FAM177B: variants seen among roughly 807,000 people sequenced by gnomAD.
The protein encoded by FAM177B is family with sequence similarity 177 member B.
Under a neutral mutation model 16.1 loss-of-function variants are expected in FAM177B, and 16 were observed. The observed-to-expected ratio is 0.99, with a 90% CI of 0.67 to 1.51. The LOEUF (loss-of-function observed/expected upper bound fraction) is 1.51. Among genes scored for constraint, FAM177B ranks in the 40% most tolerant of loss-of-function variants. The probability of loss-of-function intolerance (pLI) is 0.00; values close to 1 mark genes in which losing one functional copy is unlikely to be tolerated. For missense variants in FAM177B, 178 were observed against 183.7 expected (o/e 0.97, Z 0.18); for synonymous variants, 56 against 59.9 (o/e 0.93, Z 0.30).
rs781063729 is a variant in FAM177B at position 222,746,596 on chromosome 1, C to G, written c.51C>G (p.Ser17=). The change falls in exon 3 of 6, where the codon TCC becomes TCG. Residue 17 remains serine (S), a synonymous_variant. Coordinates refer to ENST00000445590, the MANE Select transcript of FAM177B (RefSeq NM_001394345.1). ...TAGACCTAGAGAAGAGTGTACCTTCCAAAAAGACTACTCCTAAAAGGATTA... is the reference window on the plus strand; with the variant it reads ...TAGACCTAGAGAAGAGTGTACCTTCGAAAAAGACTACTCCTAAAAGGATTA... ...QQLDLEKSVP[S]KKTTPKRIIH... The G allele has an allele frequency of 1.2e-6, 2 of 1,611,160 alleles. No homozygotes were observed. Among genetic ancestry groups the G allele is most frequent in the South Asian group, 2.2e-5 (2 of 90,960 alleles).
chr1:222,750,055 G>C lies in FAM177B; in HGVS notation c.474G>C (p.Gln158His). 6.2e-7 allele frequency: 1 copy of C among 1,612,368 alleles called. No individual in the cohort carries two copies. The highest frequency in any genetic ancestry group is 8.5e-7 in the Non-Finnish European group (1 of 1,179,510). ...IQQDVTEAIPQ is the reference protein window; with the variant it reads ...IQQDVTEAIPH ...AGGATGTGACAGAGGCCATTCCTCA[G>C]TGAAGCACCTCATCCAGGGAGGGTC... Residue 158 changes from glutamine to histidine, a missense_variant, in exon 6 of 6, where the codon CAG becomes CAC. Transcript: ENST00000445590.
chr1:222,744,520 A>G (rs955058157), intron 2 of FAM177B, among the ~76,000 whole-genome samples: 2 of 152,054 alleles, frequency 1.3e-5, no homozygotes, highest in Non-Finnish European at 2.9e-5. Context: ...TATCCTTACA[A>G]CATTGGAATA....
Position 222,747,045 on chromosome 1 carries a change from T to C in FAM177B, c.205T>C (p.Phe69Leu). The C allele has an allele frequency of 3.7e-6, 6 of 1,612,288 alleles. No homozygotes were observed. The highest frequency in any genetic ancestry group is 4.2e-6 in the Non-Finnish European group (5 of 1,178,384). ...ACTTTCCTGGGGGCCCTACCTACGA[T>C]TTTGGGCAGGACGAATAGCAAGCAC... ...SKLSWGPYLR[F>L]WAGRIASTSF... The change falls in exon 4 of 6, where the codon TTT becomes CTT. Residue 69 changes from phenylalanine to leucine, a missense_variant. Phe to Leu is a conservative substitution (Grantham distance 22). Transcript: ENST00000445590.
chr1:222,745,767 C>A (rs1658766060), intron 2 of FAM177B, among the ~76,000 whole-genome samples: 1 of 152,084 alleles, frequency 6.6e-6, no homozygotes, highest in African/African-American at 2.4e-5. Context: ...ACTAAAAATA[C>A]AAAAAATTAT....
intron 2 of FAM177B, among the ~76,000 whole-genome samples, chr1:222,746,004 A>G (rs1174162397): frequency 6.6e-6 from 1 of 152,244 alleles, no homozygotes; most frequent in Admixed American, 6.5e-5. Context: ...ATGACTAATG[A>G]CATTCGTCAT....
intron 2 of FAM177B, among the ~76,000 whole-genome samples, chr1:222,743,561 C>T (rs1435664141): frequency 4.6e-5 from 7 of 152,148 alleles, no homozygotes; most frequent in Non-Finnish European, 1.0e-4. Flanking sequence ...GATTACACTG[C>T]CTTTATTTCA....
intron 4 of FAM177B, among the ~76,000 whole-genome samples, chr1:222,747,982 G>A (rs1014343909): frequency 2.0e-5 from 3 of 152,240 alleles, no homozygotes; most frequent in African/African-American, 7.2e-5. Context: ...ATGCTGACAT[G>A]TGGGGGAGAC....
chr1:222,739,109 T>C (rs1232670927), intron 2 of FAM177B, among the ~76,000 whole-genome samples: 3 of 152,198 alleles, frequency 2.0e-5, no homozygotes, highest in African/African-American at 4.8e-5. Flanking sequence ...GTACAGGGGA[T>C]GAGGGTGTGC....
In FAM177B at chr1:222,749,563, G is replaced by A; in HGVS notation, c.339+1G>A. ...CGAGTTCTATAGGATACAAAACAAG[G>A]TATGTGACACTCTGATGGAAACAAG... On this transcript the variant is annotated splice_donor_variant, in intron 5 of 5. Transcript: ENST00000445590. LOFTEE classifies it high-confidence loss of function. 1 of 1,549,360 alleles carries A rather than the reference G, an allele frequency of 6.5e-7. No individual in the cohort carries two copies. The highest frequency in any genetic ancestry group is 8.9e-7 in the Non-Finnish European group (1 of 1,125,590).
chr1:222,747,865 A>G (rs1463437038), intron 4 of FAM177B, among the ~76,000 whole-genome samples: 1 of 152,226 alleles, frequency 6.6e-6, no homozygotes, highest in African/African-American at 2.4e-5. Flanking sequence ...AAGGGACTCA[A>G]TATTCAGTGA....
At chr1:222,745,028 A>G (rs780032216) in intron 2 of FAM177B, among the ~76,000 whole-genome samples, 2 of 152,234 alleles carry the variant, frequency 1.3e-5, no homozygotes, top group Non-Finnish European at 2.9e-5. Flanking sequence ...CATAAATGGA[A>G]TTATATACGA....
chr1:222,742,354 T>C (rs1207118314), intron 2 of FAM177B, among the ~76,000 whole-genome samples: 1 of 152,202 alleles, frequency 6.6e-6, no homozygotes, highest in African/African-American at 2.4e-5. Context: ...AGATTTGAAT[T>C]TCTATTGACC....
chr1:222,746,361 T>C (rs942793102), intron 2 of FAM177B, among the ~76,000 whole-genome samples, 170 bp from the exon 3 acceptor site: 11 of 152,370 alleles, frequency 7.2e-5, no homozygotes, highest in African/African-American at 2.4e-4. Flanking sequence ...TTATCAAATC[T>C]CTTCCATTTT....
At chr1:222,748,088 T>C (rs1407896522) in intron 4 of FAM177B, among the ~76,000 whole-genome samples, 4 of 152,056 alleles carry the variant, frequency 2.6e-5, no homozygotes, top group Admixed American at 1.3e-4. Flanking sequence ...AAAGTAAAGA[T>C]GGGGTGATTT....
At chr1:222,739,562 C>T (rs1658434431) in intron 2 of FAM177B, 1 of 152,126 alleles carries the variant, frequency 6.6e-6, no homozygotes, top group South Asian at 2.1e-4. Context: ...CCAGATGATT[C>T]TCATAACAAA....
At chr1:222,746,818 C>T (rs920017946) in intron 3 of FAM177B, 99 bp downstream of exon 3, 46 of 1,133,098 alleles carry the variant, frequency 4.1e-5, no homozygotes, top group Middle Eastern at 2.1e-4. Context: ...TAGCTTTAAG[C>T]TAAGTCCTTG....
intron 2 of FAM177B, among the ~76,000 whole-genome samples, chr1:222,740,645 A>G (rs2125058284): frequency 6.6e-6 from 1 of 152,272 alleles, no homozygotes; most frequent in East Asian, 1.9e-4. Context: ...ATTATCTAAT[A>G]CTTAATACTG....
rs372617270 is a variant in FAM177B at position 222,747,004 on chromosome 1, C to A, written c.175-11C>A. On this transcript the variant is annotated splice_polypyrimidine_tract_variant and intron_variant, in intron 3 of 5. Coordinates refer to ENST00000445590, the MANE Select transcript of FAM177B (RefSeq NM_001394345.1). The stretch of plus-strand genomic sequence containing the variant: ...TATTAACTACTCTATCTCAATTTCT[C>A]CTTTTTTCAGTCTAAACTTTCCTGG... 114 of 1,589,138 alleles carry A rather than the reference C, an allele frequency of 7.2e-5. No homozygotes were observed. The highest frequency in any genetic ancestry group is 9.6e-5 in the Non-Finnish European group (111 of 1,157,458).
At chr1:222,747,271 A>G in intron 4 of FAM177B, 190 bp downstream of exon 4, 4 of 531,480 alleles carry the variant, frequency 7.5e-6, no homozygotes, top group South Asian at 2.7e-5. Context: ...TCTTTTACCA[A>G]CTCTCATCAG....
Sources: gnomAD v4.1 joint callset for allele counts (sites outside exome capture counted in the v4.1 genomes callset) on GRCh38, gnomAD v4.1.1 for gene constraint, MANE v1.5 for transcripts, NCBI Gene and HGNC (gene_info 2026-07-23, HGNC 2026-07-21) for gene names.